SGCZ: variants seen among roughly 807,000 people sequenced by gnomAD.
SGCZ encodes sarcoglycan zeta.
Under a neutral mutation model 41.3 loss-of-function variants are expected in SGCZ, and 40 were observed. The observed-to-expected ratio is 0.97, with a 90% CI of 0.75 to 1.26. SGCZ has a LOEUF of 1.26. Ranked by LOEUF, SGCZ falls within the 50% of genes most tolerant of loss-of-function variation. SGCZ has a pLI of 0.00. For missense variants in SGCZ, 552 were observed against 369.8 expected (o/e 1.49, Z -4.04); for synonymous variants, 206 against 137.5 (o/e 1.50, Z -3.49).
At chr8:14,971,244 AATTTT>A (rs1241941826) in intron 1 of SGCZ, among the ~76,000 whole-genome samples, 3 of 152,166 alleles carry the variant, frequency 2.0e-5, no homozygotes, top group Non-Finnish European at 2.9e-5. Flanking sequence ...GGCTTTATTA[AATTTT>A]ATTTTATTTC....
intron 1 of SGCZ, among the ~76,000 whole-genome samples, chr8:15,120,764 A>G (rs965104984): frequency 6.6e-6 from 1 of 152,202 alleles, no homozygotes; most frequent in African/African-American, 2.4e-5. Context: ...CAAAATTTTC[A>G]AAGGACCATT....
chr8:14,307,256 T>C (rs574397881), intron 3 of SGCZ, among the ~76,000 whole-genome samples: 170 of 152,310 alleles, frequency 1.1e-3, no homozygotes, highest in Non-Finnish European at 2.0e-3. Context: ...ATTAATACTT[T>C]TGTAATTTGG....
chr8:14,774,703 G>A (rs1418854196), intron 1 of SGCZ, among the ~76,000 whole-genome samples: 1 of 152,160 alleles, frequency 6.6e-6, no homozygotes, highest in African/African-American at 2.4e-5. Flanking sequence ...TTAAGAAATC[G>A]CTAGCTTGAA....
intron 1 of SGCZ, among the ~76,000 whole-genome samples, chr8:14,562,348 A>G (rs1804231327): frequency 6.6e-6 from 1 of 152,214 alleles, no homozygotes; most frequent in South Asian, 2.1e-4. Context: ...TTGATGCATT[A>G]TGAATCTCAC....
intron 1 of SGCZ, among the ~76,000 whole-genome samples, chr8:14,709,757 G>C (rs1809453839): frequency 6.6e-6 from 1 of 151,756 alleles, no homozygotes; most frequent in Non-Finnish European, 1.5e-5. Flanking sequence ...CATCCATTCT[G>C]GTACATTGCA....
chr8:14,368,625 G>GT (rs1165985061), intron 2 of SGCZ, among the ~76,000 whole-genome samples: 2 of 151,844 alleles, frequency 1.3e-5, no homozygotes, highest in South Asian at 2.1e-4. Context: ...AAGGCAGAGA[G>GT]TTTTTTGAAA....
intron 1 of SGCZ, among the ~76,000 whole-genome samples, chr8:14,936,589 G>T (rs938886090): frequency 1.6e-4 from 24 of 151,438 alleles, no homozygotes; most frequent in African/African-American, 5.6e-4. Flanking sequence ...CATAAGTCAG[G>T]GACCATTTAT....
intron 2 of SGCZ, among the ~76,000 whole-genome samples, chr8:14,362,153 TGAG>T (rs1208173187): frequency 2.6e-5 from 4 of 152,152 alleles, no homozygotes; most frequent in Non-Finnish European, 5.9e-5. Flanking sequence ...GGGACCCCCT[TGAG>T]GAGGCAGTCT....
At chr8:15,145,796 A>C (rs1799019978) in intron 1 of SGCZ, among the ~76,000 whole-genome samples, 1 of 152,216 alleles carries the variant, frequency 6.6e-6, no homozygotes, top group Non-Finnish European at 1.5e-5. Context: ...CCAACTCTTT[A>C]GACTGATGTG....
chr8:14,406,143 C>G (rs1585465118), intron 2 of SGCZ, among the ~76,000 whole-genome samples: 1 of 152,076 alleles, frequency 6.6e-6, no homozygotes, highest in Non-Finnish European at 1.5e-5. Flanking sequence ...TTGAACATAT[C>G]AAGCTTATGC....
At chr8:14,988,663 T>C (rs1445760251) in intron 1 of SGCZ, among the ~76,000 whole-genome samples, 4 of 152,190 alleles carry the variant, frequency 2.6e-5, no homozygotes, top group Non-Finnish European at 5.9e-5. Context: ...TTCTAATAGT[T>C]AGCCAAGGAA....
At chr8:14,533,973 G>A (rs926890835) in intron 2 of SGCZ, among the ~76,000 whole-genome samples, 11 of 151,888 alleles carry the variant, frequency 7.2e-5, no homozygotes, top group South Asian at 2.1e-4. Flanking sequence ...GAGAAGTGAC[G>A]TGACACAGCA....
intron 4 of SGCZ, among the ~76,000 whole-genome samples, chr8:14,195,621 T>C (rs1425407107): frequency 1.3e-5 from 2 of 151,914 alleles, no homozygotes; most frequent in African/African-American, 2.4e-5. Flanking sequence ...ATGCTGAAAA[T>C]CAGTGATGGA....
intron 1 of SGCZ, among the ~76,000 whole-genome samples, chr8:15,159,163 C>T (rs1043262194): frequency 3.9e-5 from 6 of 152,022 alleles, no homozygotes; most frequent in African/African-American, 1.2e-4. Flanking sequence ...GGTAATGAGG[C>T]CTCTATAAAA....
At chr8:14,656,168 C>A (rs1339419866) in intron 1 of SGCZ, among the ~76,000 whole-genome samples, 1 of 152,072 alleles carries the variant, frequency 6.6e-6, no homozygotes, top group East Asian at 1.9e-4. Flanking sequence ...TCCAAAGTGA[C>A]TATGCCATTT....
At chr8:14,866,726 C>T (rs1456552936) in intron 1 of SGCZ, among the ~76,000 whole-genome samples, 1 of 151,984 alleles carries the variant, frequency 6.6e-6, no homozygotes, top group African/African-American at 2.4e-5. Flanking sequence ...GGGAGGATAG[C>T]CTGAGACCCA....
chr8:14,345,343 G>T (rs1802858436), intron 2 of SGCZ, among the ~76,000 whole-genome samples: 1 of 152,068 alleles, frequency 6.6e-6, no homozygotes, highest in Non-Finnish European at 1.5e-5. Context: ...GGCACATTTG[G>T]AAAACTGTTT....
At chr8:15,220,516 T>C (rs1057224044) in intron 1 of SGCZ, among the ~76,000 whole-genome samples, 3 of 152,068 alleles carry the variant, frequency 2.0e-5, no homozygotes, top group Non-Finnish European at 2.9e-5. Context: ...TCCTGAAGCA[T>C]CCAGTTTCAG....
intron 2 of SGCZ, among the ~76,000 whole-genome samples, chr8:14,368,392 T>C (rs1297562352): frequency 6.6e-6 from 1 of 152,058 alleles, no homozygotes; most frequent in African/African-American, 2.4e-5. Context: ...TGGCATACAT[T>C]ATCCGTTAGA....
Sources: allele counts gnomAD v4.1 joint callset (sites outside exome capture counted in the v4.1 genomes callset), GRCh38; gene constraint gnomAD v4.1.1; transcripts MANE v1.5; gene names NCBI Gene and HGNC (gene_info 2026-07-23, HGNC 2026-07-21).